Variants in FAM171A2 observed in about 807,000 individuals in gnomAD.
FAM171A2 encodes the protein protein FAM171A2.
In FAM171A2, 13 loss-of-function variants were observed where a neutral mutation model predicts 34.2. The ratio of observed to expected loss-of-function variants is 0.38; its 90% CI spans 0.25 to 0.60. The LOEUF is 0.60. Among genes scored for constraint, FAM171A2 ranks in the 20% least tolerant of loss-of-function variants. The probability of loss-of-function intolerance (pLI) is 0.62; values close to 1 mark genes in which losing one functional copy is unlikely to be tolerated. For missense variants in FAM171A2, 950 were observed against 1,180.7 expected, an observed-to-expected ratio of 0.80 and a Z score of 2.86; for synonymous variants, 475 against 561.2, an observed-to-expected ratio of 0.85 and a Z score of 2.17.
intron 1 of FAM171A2, among the ~76,000 whole-genome samples, chr17:44,362,448 A>C (rs554940448): frequency 6.6e-6 from 1 of 151,768 alleles, no homozygotes; most frequent in South Asian, 2.1e-4. Context: ...CTTCATCCGG[A>C]CCCCACTTCC....
Position 44,354,683 on chromosome 17 carries a change from G to A in FAM171A2, c.1531C>T (p.Pro511Ser). ...SQSVDQLARP[P>S]SLGQAGQLIF... ...AGCTGCCCCGCCTGGCCCAGCGACG[G>A]CGGCCGCGCCAGCTGGTCCACCGAC... The change falls in exon 8 of 8, where the codon CCG becomes TCG. Residue 511 changes from proline to serine, a missense_variant. Transcript: ENST00000293443. This position sits in a 1 kb window ranked among gnomAD's most constrained non-coding sequence, Gnocchi z 5.8. 1 of 1,332,234 alleles carries A rather than the reference G, an allele frequency of 7.5e-7. No individual in the cohort carries two copies. The highest frequency in any genetic ancestry group is 9.6e-7 in the Non-Finnish European group (1 of 1,040,162). The allele number at this position is 1,332,234 out of a possible 1,614,324, so 82.5% of individuals were successfully genotyped here.
chr17:44,359,560 G>A lies in FAM171A2; in HGVS notation c.439+19C>T. On this transcript the variant is annotated intron_variant, in intron 3 of 7. Transcript: ENST00000293443. ...CAGGGGAAGGAAGAAGAGTTGGCGT[G>A]GGTGAGGGGGAGCCTTACCGGGAGA... 6.5e-7 allele frequency: 1 copy of A among 1,546,322 alleles called. No homozygotes were observed. Among genetic ancestry groups the A allele is most frequent in the Non-Finnish European group, 8.8e-7 (1 of 1,142,356 alleles).
In FAM171A2 at chr17:44,353,782, G is replaced by C. The variant is rs1251650700; in HGVS notation, c.2432C>G (p.Pro811Arg). ...CGGCCGCTCCTCCCGCCGCTGCCAC[G>C]GGCTCTTCTTGTCTCCCGCCTCGTC... ...VGDEAGDKKS[P>R]WQRREERPLM... Residue 811 changes from proline (P) to arginine (R), a missense_variant, in exon 8 of 8, where the codon CCG becomes CGG. By Grantham distance (103) the Pro-to-Arg change is moderately radical. This residue lies in a region of FAM171A2 where 191 missense variants were observed against 222.8 expected (regional missense o/e 0.86). Transcript: ENST00000293443. 8 of 1,437,214 alleles carry C rather than the reference G, an allele frequency of 5.6e-6. No homozygotes were observed. Among genetic ancestry groups the C allele is most frequent in the Non-Finnish European group, 7.3e-6 (8 of 1,096,396 alleles). The allele number at this position is 1,437,214 out of a possible 1,614,324, so 89.0% of individuals were successfully genotyped here.
rs778539378 is a variant in FAM171A2 at position 44,354,342 on chromosome 17, C to G, written c.1872G>C (p.Glu624Asp). ...GSVTIPVLFN[E>D]STMAQLNGEL... ...CCCCGTTGAGCTGCGCCATGGTGGA[C>G]TCGTTGAATAGCACAGGGATGGTGA... The change falls in exon 8 of 8, where the codon GAG becomes GAC. Residue 624 changes from glutamate (E) to aspartate (D), a missense_variant. Physicochemically the swap from Glu to Asp is conservative, Grantham distance 45 (BLOSUM62 2). This residue lies in a region of FAM171A2 where 752 missense variants were observed against 924.5 expected (regional missense o/e 0.81). Transcript: ENST00000293443. The surrounding 1 kb of genome is among the most constrained non-coding windows in gnomAD (Gnocchi z 5.8). The G allele has an allele frequency of 2.1e-6, 3 of 1,440,390 alleles. No homozygotes were observed. In the African/African-American group the frequency reaches 4.5e-5, roughly 21 times the overall value. 89.2% of individuals were successfully genotyped at this position (1,440,390 alleles called of 1,614,324 possible). A position where few individuals can be genotyped will look rare whatever the true frequency, so the allele number is the denominator to read the frequency against.
In FAM171A2 at chr17:44,356,629, G is replaced by A. The variant is rs1002257622; in HGVS notation, c.440-41C>T. On this transcript the variant is annotated intron_variant, in intron 3 of 7. Transcript: ENST00000293443. Reference sequence around the variant, plus strand: ...GGCTGCAGTGGCTTGACCATGGACAGGGATCCCCAGGGACCAGAGCAGAAA... The same window carrying A: ...GGCTGCAGTGGCTTGACCATGGACAAGGATCCCCAGGGACCAGAGCAGAAA... The A allele has an allele frequency of 2.0e-6, 3 of 1,500,266 alleles. No individual in the cohort carries two copies. The African/African-American group carries it at 4.2e-5, about 21-fold the overall frequency. The allele number at this position is 1,500,266 out of a possible 1,614,324, so 92.9% of individuals were successfully genotyped here.
rs964735734 is a variant in FAM171A2, at chr17:44,360,067, C to T, written c.184G>A (p.Asp62Asn). The part of the protein sequence containing the change: ...ELVPLARASV[D>N]VFGNRTLLAA... ...AGCAGAGTCCGGTTCCCAAACACATCCACTGAGGCCCGGGCCAGGGGCACC... is the reference window on the plus strand; with the variant it reads ...AGCAGAGTCCGGTTCCCAAACACATTCACTGAGGCCCGGGCCAGGGGCACC... The change falls in exon 2 of 8, where the codon GAT (aspartate) becomes AAT (asparagine). Residue 62 changes from aspartate to asparagine, a missense_variant. Around this residue, in one of 3 missense-constraint regions of FAM171A2, gnomAD observed 752 missense variants for 924.5 expected, o/e 0.81. Transcript: ENST00000293443. 1.3e-6 allele frequency: 2 copies of T among 1,551,658 alleles called. No homozygotes were observed. The highest frequency in any genetic ancestry group is 2.7e-5 in the African/African-American group (2 of 73,052).
In FAM171A2 at chr17:44,354,603, C is replaced by T; in HGVS notation, c.1611G>A (p.Met537Ile). The T allele has an allele frequency of 8.0e-7, 1 of 1,253,646 alleles. No individual in the cohort carries two copies. Among genetic ancestry groups the T allele is most frequent in the Non-Finnish European group, 1.0e-6 (1 of 996,470 alleles). 77.7% of individuals were successfully genotyped at this position (1,253,646 alleles called of 1,614,324 possible). A position where few individuals can be genotyped will look rare whatever the true frequency, so the allele number is the denominator to read the frequency against. The part of the protein sequence containing the change: ...HLKDNVYRNV[M>I]PTLVIPAHYV... ...AGTGCGCGGGGATCACCAGGGTGGG[C>T]ATGACGTTGCGGTAGACGTTGTCCT... is the stretch of plus-strand genomic sequence containing the variant. Residue 537 changes from methionine (M) to isoleucine (I), a missense_variant, in exon 8 of 8, where the codon ATG (methionine) becomes ATA (isoleucine). Transcript: ENST00000293443. The surrounding 1 kb of genome is among the most constrained non-coding windows in gnomAD (Gnocchi z 5.8).
At position 44,356,181 on chromosome 17, in the gene FAM171A2, G is replaced by A. The variant is rs913748418; in HGVS notation, c.770C>T (p.Pro257Leu). 4 of 1,546,966 alleles carry A rather than the reference G, an allele frequency of 2.6e-6. No individual in the cohort carries two copies. In the African/African-American group the frequency reaches 4.1e-5, roughly 16 times the overall value. ...CCCCCTGAGGCACTTACCACTCTTGGGGTCAAATCTCCAGGCTGGAATGCT... is the reference window on the plus strand; with the variant it reads ...CCCCCTGAGGCACTTACCACTCTTGAGGTCAAATCTCCAGGCTGGAATGCT... ...GTSIPAWRFD[P>L]KSGLWVRNGT... The change falls in exon 5 of 8, where the codon CCC becomes CTC. Residue 257 changes from proline (P) to leucine (L), a missense_variant. Physicochemically the swap from Pro to Leu is moderately conservative, Grantham distance 98. Transcript: ENST00000293443.
At chr17:44,359,519 G>A (rs777106532) in intron 3 of FAM171A2, 60 bp downstream of exon 3, 40 of 1,394,232 alleles carry the variant, frequency 2.9e-5, no homozygotes, top group Non-Finnish European at 3.9e-5. Flanking sequence ...GACAGTGGAG[G>A]TCTCTACACC....
chr17:44,359,615 AGAG>A lies in FAM171A2; in HGVS notation c.400_402del (p.Leu134del). The A allele has an allele frequency of 1.3e-6, 2 of 1,551,208 alleles. No homozygotes were observed. The highest frequency in any genetic ancestry group is 1.7e-6 in the Non-Finnish European group (2 of 1,146,924). On this transcript the variant is annotated inframe_deletion, in exon 3 of 8. Transcript: ENST00000293443. ...AGGAGAATGTGCACCAGGTCCTCAT[AGAG>A]GATGAGCGTGGCCGGCCGCTCAGGG...
At chr17:44,358,315 C>T (rs1019143807) in intron 3 of FAM171A2, among the ~76,000 whole-genome samples, 1 of 152,120 alleles carries the variant, frequency 6.6e-6, no homozygotes. Flanking sequence ...AGCTAGGGGG[C>T]CACAAAGGGT....
In FAM171A2 at chr17:44,353,818, G is replaced by GC; in HGVS notation, c.2395dup (p.Ala799GlyfsTer59). On this transcript the variant is annotated frameshift_variant, in exon 8 of 8. Coordinates refer to ENST00000293443, the MANE Select transcript of FAM171A2 (RefSeq NM_198475.3). LOFTEE classifies it low-confidence loss of function (END_TRUNC). Reference sequence around the variant, plus strand: ...GTCTCCCGCCTCGTCGCCCACCTCCGCCCCCAGCTCGTCCTCCGGGCTGGT... The same window carrying GC: ...GTCTCCCGCCTCGTCGCCCACCTCCGCCCCCCAGCTCGTCCTCCGGGCTGGT... 1.4e-6 allele frequency: 2 copies of GC among 1,423,150 alleles called. No individual in the cohort carries two copies. The highest frequency in any genetic ancestry group is 2.7e-5 in the Admixed American group (1 of 36,748). The allele number at this position is 1,423,150 out of a possible 1,614,324, so 88.2% of individuals were successfully genotyped here.
chr17:44,357,925 T>C (rs1432279658), intron 3 of FAM171A2, among the ~76,000 whole-genome samples: 3 of 152,284 alleles, frequency 2.0e-5, no homozygotes, highest in South Asian at 4.1e-4. Flanking sequence ...CAACCTCATT[T>C]TAGAGGTGCA....
In FAM171A2 at chr17:44,355,445, C is replaced by T. The variant is rs547184834; in HGVS notation, c.1023-254G>A. The stretch of plus-strand genomic sequence containing the variant: ...CATCTAAGCTGTCTATGGGTGTGTC[C>T]GGCCTGGAGTCCTCTGGGAGAGAGA... On this transcript the variant is annotated intron_variant, in intron 7 of 7. Transcript: ENST00000293443. The surrounding 1 kb of genome is among the most constrained non-coding windows in gnomAD (Gnocchi z 4.1). 1.3e-5 allele frequency among the ~76,000 whole-genome samples: 2 copies of T among 152,288 alleles called. No homozygotes were observed. Among genetic ancestry groups the T allele is most frequent in the African/African-American group, 4.8e-5 (2 of 41,574 alleles).
chr17:44,354,742 G>A lies in FAM171A2; in HGVS notation c.1472C>T (p.Ala491Val), dbSNP rs2143364367. The change falls in exon 8 of 8, where the codon GCC becomes GTC. Residue 491 changes from alanine (A) to valine (V), a missense_variant. This residue lies in a region of FAM171A2 where 752 missense variants were observed against 924.5 expected (regional missense o/e 0.81). Transcript: ENST00000293443. This position sits in a 1 kb window ranked among gnomAD's most constrained non-coding sequence, Gnocchi z 5.8. ...CAGGAAGTCGGGGGTCTTGCCCTCG[G>A]CCGCCCCCTTGTGGCCCAGGTAGTG... ...FDHYLGHKGA[A>V]EGKTPDFLLS... 7.6e-7 allele frequency: 1 copy of A among 1,310,444 alleles called. No individual in the cohort carries two copies. Among genetic ancestry groups the A allele is most frequent in the Non-Finnish European group, 9.7e-7 (1 of 1,028,184 alleles). The allele number at this position is 1,310,444 out of a possible 1,614,324, so 81.2% of individuals were successfully genotyped here. A position where few individuals can be genotyped will look rare whatever the true frequency, so the allele number is the denominator to read the frequency against.
intron 3 of FAM171A2, among the ~76,000 whole-genome samples, chr17:44,358,696 CCAA>C (rs974905468): frequency 6.6e-6 from 1 of 151,750 alleles, no homozygotes; most frequent in South Asian, 2.1e-4. Context: ...AAAAAAAAAC[CCAA>C]CAACAACAAC....
intron 3 of FAM171A2, chr17:44,359,333 G>C: frequency 3.8e-6 from 2 of 520,492 alleles, no homozygotes; most frequent in African/African-American, 1.9e-5. Context: ...TAGAAACCAC[G>C]AGAAGCCCCG....
chr17:44,360,169 G>T, intron 1 of FAM171A2, 37 bp from the exon 2 acceptor site: 1 of 1,516,170 alleles, frequency 6.6e-7, no homozygotes, highest in South Asian at 1.2e-5. Context: ...TGAGGACGAG[G>T]GAGGGGGAAA....
Position 44,355,951 on chromosome 17 carries a change from C to A in FAM171A2, c.895+7G>T. 6.5e-7 allele frequency: 1 copy of A among 1,540,076 alleles called. No individual in the cohort carries two copies. Among genetic ancestry groups the A allele is most frequent in the South Asian group, 1.2e-5 (1 of 82,218 alleles). On this transcript the variant is annotated splice_region_variant and intron_variant, in intron 6 of 7. Transcript: ENST00000293443. The surrounding 1 kb of genome is among the most constrained non-coding windows in gnomAD (Gnocchi z 4.1). ...GGCCTCTACGCCCACTGCCCCACTA[C>A]TCTTACCAGCCGTGGGGGAGGCCAT...
Sources: allele counts gnomAD v4.1 joint callset (sites outside exome capture counted in the v4.1 genomes callset), GRCh38; gene constraint gnomAD v4.1.1; regional missense constraint gnomAD v4.1.1; non-coding constraint Gnocchi (gnomAD v3.1); transcripts MANE v1.5; gene names NCBI Gene and HGNC (gene_info 2026-07-23, HGNC 2026-07-21).